Variants in GRIA1 observed in about 807,000 individuals in gnomAD.
The protein encoded by GRIA1 is glutamate ionotropic receptor AMPA type subunit 1, also known as glutamate receptor 1.
GRIA1 carries 31 observed loss-of-function variants against 99.2 expected under a neutral mutation model. That is an observed-to-expected ratio of 0.31 (90% confidence interval 0.23 to 0.42). The LOEUF is 0.42. GRIA1 is among the 10% of genes least tolerant of loss of function. The pLI, the probability that GRIA1 is intolerant of heterozygous loss-of-function variation, is 1.00. For missense variants in GRIA1, 782 were observed against 1,157.5 expected, an observed-to-expected ratio of 0.68 and a Z score of 4.71; for synonymous variants, 438 against 432.4, an observed-to-expected ratio of 1.01 and a Z score of -0.16.
At chr5:153,563,890 T>C (rs1181526786) in intron 2 of GRIA1, among the ~76,000 whole-genome samples, 1 of 152,208 alleles carries the variant, frequency 6.6e-6, no homozygotes, top group Non-Finnish European at 1.5e-5. Context: ...AGTAGTATTG[T>C]TGAGGACATG....
chr5:153,501,902 C>T (rs1312404981), intron 2 of GRIA1, among the ~76,000 whole-genome samples: 1 of 152,182 alleles, frequency 6.6e-6, no homozygotes, highest in Non-Finnish European at 1.5e-5. Flanking sequence ...TCAGAGTCCT[C>T]ATTTATTTTA....
chr5:153,552,628 G>A (rs976323396), intron 2 of GRIA1, among the ~76,000 whole-genome samples: 1 of 151,934 alleles, frequency 6.6e-6, no homozygotes, highest in Non-Finnish European at 1.5e-5. Context: ...GATGATTCCA[G>A]TATACAGATC....
intron 4 of GRIA1, among the ~76,000 whole-genome samples, chr5:153,654,794 G>A (rs1277268110): frequency 1.3e-5 from 2 of 152,120 alleles, no homozygotes; most frequent in African/African-American, 4.8e-5. Context: ...GAGACACCGA[G>A]CAGAGTACAC....
intron 2 of GRIA1, among the ~76,000 whole-genome samples, chr5:153,643,372 A>G (rs1043801364): frequency 2.6e-5 from 4 of 152,236 alleles, no homozygotes; most frequent in Non-Finnish European, 4.4e-5. Flanking sequence ...AGAATCGTCC[A>G]GGTCTTCTGA....
intron 2 of GRIA1, among the ~76,000 whole-genome samples, chr5:153,623,286 C>T (rs1052442839): frequency 6.6e-6 from 1 of 152,140 alleles, no homozygotes; most frequent in African/African-American, 2.4e-5. Context: ...GTGTATGTGT[C>T]ATGCATTTGC....
intron 15 of GRIA1, among the ~76,000 whole-genome samples, chr5:153,809,804 C>T (rs539018620): frequency 3.1e-4 from 47 of 152,294 alleles, no homozygotes; most frequent in African/African-American, 1.1e-3. Context: ...ATGTATACTG[C>T]ACGAGTACAA....
At chr5:153,628,495 G>T (rs1767849177) in intron 2 of GRIA1, among the ~76,000 whole-genome samples, 1 of 152,194 alleles carries the variant, frequency 6.6e-6, no homozygotes, top group South Asian at 2.1e-4. Context: ...AGTAATGCAA[G>T]TGTTTAAGTA....
intron 4 of GRIA1, among the ~76,000 whole-genome samples, chr5:153,652,200 G>T (rs996140935): frequency 1.3e-5 from 2 of 152,062 alleles, no homozygotes; most frequent in Non-Finnish European, 2.9e-5. Flanking sequence ...GTGAATGAAG[G>T]CCTCTGTTCT....
At chr5:153,782,446 A>C (rs1307700981) in intron 13 of GRIA1, among the ~76,000 whole-genome samples, 6 of 152,220 alleles carry the variant, frequency 3.9e-5, no homozygotes, top group Admixed American at 3.9e-4. Context: ...TAATGTTGAC[A>C]TGTAGGAATG....
chr5:153,617,544 G>A (rs1389668888), intron 2 of GRIA1, among the ~76,000 whole-genome samples: 2 of 152,172 alleles, frequency 1.3e-5, no homozygotes, highest in African/African-American at 4.8e-5. Context: ...GTAGAATTGG[G>A]AAAAGTGATT....
At chr5:153,641,356 G>T (rs1158340991) in intron 2 of GRIA1, among the ~76,000 whole-genome samples, 1 of 152,136 alleles carries the variant, frequency 6.6e-6, no homozygotes, top group African/African-American at 2.4e-5. Flanking sequence ...CCAGTACCCA[G>T]GGCTGGGAGA....
At chr5:153,702,113 T>C (rs1198297870) in intron 10 of GRIA1, among the ~76,000 whole-genome samples, 2 of 152,224 alleles carry the variant, frequency 1.3e-5, no homozygotes, top group East Asian at 3.8e-4. Context: ...CTGGCTTTTG[T>C]ACTCCACACT....
At chr5:153,706,135 T>TGTTTG (rs59424051) in intron 11 of GRIA1, 68 bp downstream of exon 11, 760 of 1,463,938 alleles carry the variant, frequency 5.2e-4, no homozygotes, top group Non-Finnish European at 6.1e-4. Flanking sequence ...TTTGTTTGTT[T>TGTTTG]TTTAAATACT....
chr5:153,671,476 C>A (rs59500934), intron 5 of GRIA1, among the ~76,000 whole-genome samples: 1 of 152,086 alleles, frequency 6.6e-6, no homozygotes, highest in African/African-American at 2.4e-5. Flanking sequence ...TCTTGGAATG[C>A]ATATTGGGTA....
At position 153,782,303 on chromosome 5, in the gene GRIA1, C is replaced by G. The variant is rs915486609; in HGVS notation, c.2270+11888C>G. The stretch of plus-strand genomic sequence containing the variant: ...AATTTGAACCCAGATAGTCCAAGTT[C>G]AGAGTCTATGCTCTTATCAATCACA... On this transcript the variant is annotated intron_variant, in intron 13 of 15. Transcript: ENST00000285900. 2.6e-5 allele frequency among the ~76,000 whole-genome samples: 4 copies of G among 152,172 alleles called. No homozygotes were observed. The East Asian group carries it at 7.7e-4, about 29-fold the overall frequency.
chr5:153,718,220 A>T (rs1472191374), intron 11 of GRIA1, among the ~76,000 whole-genome samples: 2 of 152,242 alleles, frequency 1.3e-5, no homozygotes, highest in Non-Finnish European at 2.9e-5. Context: ...AGAAAAATAG[A>T]TAATAAAGCA....
At chr5:153,580,747 C>G (rs1399840453) in intron 2 of GRIA1, among the ~76,000 whole-genome samples, 7 of 152,162 alleles carry the variant, frequency 4.6e-5, no homozygotes, top group African/African-American at 1.2e-4. Context: ...GCTGCAACAT[C>G]TCATTAGAAG....
intron 13 of GRIA1, among the ~76,000 whole-genome samples, chr5:153,788,603 AC>A (rs1294793234): frequency 6.6e-6 from 1 of 152,072 alleles, no homozygotes; most frequent in Non-Finnish European, 1.5e-5. Flanking sequence ...ATGTTTCCTG[AC>A]CACCTCTGAC....
chr5:153,630,598 C>A (rs1303282503), intron 2 of GRIA1, among the ~76,000 whole-genome samples: 3 of 152,192 alleles, frequency 2.0e-5, no homozygotes, highest in African/African-American at 7.2e-5. Flanking sequence ...AAGCTTCCCA[C>A]CTCAGATCTT....
Sources: allele counts gnomAD v4.1 joint callset (sites outside exome capture counted in the v4.1 genomes callset), GRCh38; gene constraint gnomAD v4.1.1; transcripts MANE v1.5; gene names NCBI Gene and HGNC (gene_info 2026-07-23, HGNC 2026-07-21).